Variants in PPM1A observed in about 807,000 individuals in gnomAD.
PPM1A encodes protein phosphatase, Mg2+/Mn2+ dependent 1A.
PPM1A carries 7 observed loss-of-function variants against 35.0 expected under a neutral mutation model. The ratio of observed to expected loss-of-function variants is 0.20; its 90% confidence interval spans 0.11 to 0.38. PPM1A has a LOEUF of 0.38. Ranked by LOEUF, PPM1A falls within the 10% of genes least tolerant of loss-of-function variation. PPM1A has a pLI of 1.00. For synonymous variants in PPM1A, 153 were observed against 167.3 expected (o/e 0.91, Z 0.66); for missense variants, 239 against 467.8 (o/e 0.51, Z 4.51).
intron 1 of PPM1A, among the ~76,000 whole-genome samples, chr14:60,269,177 T>C (rs1360547458): frequency 6.6e-6 from 1 of 152,192 alleles, no homozygotes; most frequent in Non-Finnish European, 1.5e-5. Context: ...AAATTGAAAT[T>C]GCAATTCTTG....
Position 60,282,538 on chromosome 14 carries a change from C to T in PPM1A, c.-20-146C>T. 1 of 1,053,472 alleles carries T rather than the reference C, an allele frequency of 9.5e-7. No homozygotes were observed. The highest frequency in any genetic ancestry group is 1.3e-6 in the Non-Finnish European group (1 of 745,848). 65.3% of individuals were successfully genotyped at this position (1,053,472 alleles called of 1,614,324 possible). ...CCCCCAGTTCCTCCTTGTTAATCTC[C>T]AGATTCCAAGTCAGCAACACAATGA... On this transcript the variant is annotated intron_variant, in intron 1 of 5. Coordinates refer to ENST00000395076, the MANE Select transcript of PPM1A (RefSeq NM_021003.5). This position sits in a 1 kb window ranked among gnomAD's most constrained non-coding sequence, Gnocchi z 5.1.
intron 1 of PPM1A, among the ~76,000 whole-genome samples, chr14:60,268,050 A>G (rs144946448): frequency 6.6e-6 from 1 of 152,134 alleles, no homozygotes; most frequent in Non-Finnish European, 1.5e-5. Context: ...TATCTAATAT[A>G]CAATCCATAG....
Position 60,289,992 on chromosome 14 carries a change from T to G in PPM1A, c.1061+78T>G. On this transcript the variant is annotated intron_variant, in intron 4 of 5. Transcript: ENST00000395076. This position sits in a 1 kb window ranked among gnomAD's most constrained non-coding sequence, Gnocchi z 4.1. ...AGGTATTCATTGATAAAATGTTTGTTTGCCTAATTTCTGAACTGATGCAGT... is the reference window on the plus strand; with the variant it reads ...AGGTATTCATTGATAAAATGTTTGTGTGCCTAATTTCTGAACTGATGCAGT... The G allele has an allele frequency of 9.7e-7, 1 of 1,031,212 alleles. No individual in the cohort carries two copies. Among genetic ancestry groups the G allele is most frequent in the Non-Finnish European group, 1.4e-6 (1 of 718,762 alleles). 63.9% of individuals were successfully genotyped at this position (1,031,212 alleles called of 1,614,324 possible).
intron 1 of PPM1A, among the ~76,000 whole-genome samples, chr14:60,266,522 T>G (rs1736480254): frequency 1.3e-5 from 2 of 152,188 alleles, no homozygotes; most frequent in African/African-American, 4.8e-5. Context: ...TTTAATCTCT[T>G]GGTATTTATT....
upstream of PPM1A, chr14:60,249,169 G>C: frequency 1.1e-6 from 1 of 932,170 alleles, no homozygotes; most frequent in Non-Finnish European, 1.3e-6. The surrounding 1 kb of genome is among the most constrained non-coding windows in gnomAD (Gnocchi z 4.5). Context: ...GGCGAGCGGA[G>C]GGGTGGGGGA....
chr14:60,252,065 A>G (rs951854704), intron 1 of PPM1A, among the ~76,000 whole-genome samples: 4 of 152,228 alleles, frequency 2.6e-5, no homozygotes, highest in Non-Finnish European at 5.9e-5. Flanking sequence ...GTCATGTGGT[A>G]AATATTGCTG....
chr14:60,248,457 G>A (rs184043164), upstream of PPM1A, among the ~76,000 whole-genome samples: 3 of 152,354 alleles, frequency 2.0e-5, no homozygotes, highest in Non-Finnish European at 2.9e-5. Flanking sequence ...CATGTGCCCC[G>A]TGCGTGAATC....
upstream of PPM1A, among the ~76,000 whole-genome samples, chr14:60,247,028 T>C (rs902920490): frequency 6.6e-6 from 1 of 152,226 alleles, no homozygotes; most frequent in Non-Finnish European, 1.5e-5. Flanking sequence ...CCGTCACTAG[T>C]GACCCAGCTT....
At position 60,286,650 on chromosome 14, in the gene PPM1A, C is replaced by T. The variant is rs891093910; in HGVS notation, c.952+909C>T. The T allele has an allele frequency of 2.1e-4, 207 of 985,066 alleles. No homozygotes were observed. The Middle Eastern group carries it at 3.1e-3, about 15-fold the overall frequency. The allele number at this position is 985,066 out of a possible 1,614,324, so 61.0% of individuals were successfully genotyped here. ...CCTACCACACCTACATCCCACTGTG[C>T]CTGCATTATTGAAATTACTACTCAC... is the stretch of plus-strand genomic sequence containing the variant. On this transcript the variant is annotated intron_variant, in intron 3 of 5. Coordinates refer to ENST00000395076, the MANE Select transcript of PPM1A (RefSeq NM_021003.5).
intron 1 of PPM1A, among the ~76,000 whole-genome samples, chr14:60,270,484 G>C (rs894355118): frequency 6.6e-6 from 1 of 151,924 alleles, no homozygotes; most frequent in African/African-American, 2.4e-5. Context: ...TTTACTTAAA[G>C]GGTGGCAGTT....
Position 60,295,411 on chromosome 14 carries a change from T to C in PPM1A, c.*2929T>C, listed in dbSNP as rs1055292122. ...AAGTATCTCAAACATATTTTTACTTTATAGTGCATTAACTTGCTTCTAGAG... is the reference window on the plus strand; with the variant it reads ...AAGTATCTCAAACATATTTTTACTTCATAGTGCATTAACTTGCTTCTAGAG... On this transcript the variant is annotated 3_prime_UTR_variant, in exon 6 of 6. Transcript: ENST00000395076. The C allele has an allele frequency of 3.6e-4, 54 of 151,882 alleles. No individual in the cohort carries two copies. Among genetic ancestry groups the C allele is most frequent in the Admixed American group, 6.6e-4 (10 of 15,232 alleles). 9.4% of individuals were successfully genotyped at this position (151,882 alleles called of 1,614,324 possible). A position where few individuals can be genotyped will look rare whatever the true frequency, so the allele number is the denominator to read the frequency against.
intron 1 of PPM1A, among the ~76,000 whole-genome samples, chr14:60,260,680 C>T (rs1439103023): frequency 6.6e-6 from 1 of 152,126 alleles, no homozygotes; most frequent in Non-Finnish European, 1.5e-5. Flanking sequence ...TTAGCAGTCA[C>T]TCCCCATTCA....
rs1310710948 is a variant in PPM1A at position 60,283,861 on chromosome 14, C to T, written c.834+324C>T. 1.3e-5 allele frequency among the ~76,000 whole-genome samples: 2 copies of T among 152,144 alleles called. No homozygotes were observed. Among genetic ancestry groups the T allele is most frequent in the Non-Finnish European group, 2.9e-5 (2 of 68,014 alleles). ...GGTGGGGAGGGTTAGGCCTCAGTGT[C>T]TATAAATGAAAAGCATTTTAGAGTT... On this transcript the variant is annotated intron_variant, in intron 2 of 5. Transcript: ENST00000395076. This position sits in a 1 kb window ranked among gnomAD's most constrained non-coding sequence, Gnocchi z 6.3.
chr14:60,284,370 G>C (rs1449047962), intron 2 of PPM1A, among the ~76,000 whole-genome samples: 1 of 152,110 alleles, frequency 6.6e-6, no homozygotes, highest in East Asian at 1.9e-4. Context: ...TGCCGGGCGC[G>C]GTGGCTCACG....
intron 1 of PPM1A, among the ~76,000 whole-genome samples, chr14:60,272,938 A>AT (rs955558008): frequency 3.4e-4 from 51 of 150,796 alleles, no homozygotes; most frequent in East Asian, 7.8e-4. Flanking sequence ...GCATTATAGT[A>AT]TTTTTTTTTC....
At chr14:60,275,397 A>T (rs1299663916) in intron 1 of PPM1A, among the ~76,000 whole-genome samples, 1 of 152,166 alleles carries the variant, frequency 6.6e-6, no homozygotes, top group East Asian at 1.9e-4. Flanking sequence ...TTTGTAAAAT[A>T]GGTTTACACA....
Position 60,297,771 on chromosome 14 carries a change from A to T in PPM1A, c.*5289A>T, listed in dbSNP as rs2139623046. On this transcript the variant is annotated 3_prime_UTR_variant, in exon 6 of 6. Coordinates refer to ENST00000395076, the MANE Select transcript of PPM1A (RefSeq NM_021003.5). ...CAAAATCATTTTAGCAATGCTTCTTAACCTTTTGGGGTCACAGGCGTTTTG... is the reference window on the plus strand; with the variant it reads ...CAAAATCATTTTAGCAATGCTTCTTTACCTTTTGGGGTCACAGGCGTTTTG... 1 of 151,806 alleles carries T rather than the reference A, an allele frequency of 6.6e-6. No homozygotes were observed. Among genetic ancestry groups the T allele is most frequent in the South Asian group, 2.1e-4 (1 of 4,822 alleles). The allele number at this position is 151,806 out of a possible 1,614,324, so 9.4% of individuals were successfully genotyped here. A position where few individuals can be genotyped will look rare whatever the true frequency, so the allele number is the denominator to read the frequency against.
intron 1 of PPM1A, among the ~76,000 whole-genome samples, chr14:60,271,286 A>C (rs1455487731): frequency 6.6e-6 from 1 of 152,218 alleles, no homozygotes; most frequent in Non-Finnish European, 1.5e-5. Flanking sequence ...GTCTCTGGAT[A>C]ATCCAGGATC....
intron 1 of PPM1A, among the ~76,000 whole-genome samples, chr14:60,268,047 T>C (rs574708508): frequency 2.0e-5 from 3 of 152,130 alleles, no homozygotes; most frequent in Non-Finnish European, 4.4e-5. Flanking sequence ...TATTATCTAA[T>C]ATACAATCCA....
Sources: gnomAD v4.1 joint callset for allele counts (sites outside exome capture counted in the v4.1 genomes callset) on GRCh38, gnomAD v4.1.1 for gene constraint, Gnocchi (gnomAD v3.1) non-coding constraint, MANE v1.5 for transcripts, NCBI Gene and HGNC (gene_info 2026-07-23, HGNC 2026-07-21) for gene names.